Variants in NADK observed in about 807,000 individuals in gnomAD.
NADK encodes the protein poly(P)/ATP NAD kinase.
In NADK, 22 loss-of-function variants were observed where a neutral mutation model predicts 49.8. The ratio of observed to expected loss-of-function variants is 0.44; its 90% CI spans 0.32 to 0.63. The LOEUF is 0.63. Ranked by LOEUF, NADK falls within the 30% of genes least tolerant of loss-of-function variation. NADK has a pLI of 0.06. For synonymous variants in NADK, 268 were observed against 253.7 expected (o/e 1.06, Z -0.54); for missense variants, 438 against 609.4 (o/e 0.72, Z 2.96).
rs1645482719 is a variant in NADK, at chr1:1,755,430, AAGCCCAGGG to A, written c.623_631del (p.Ser208_Gly210del). ...GTTCTCAAAGCTGAATGGGGTCAGG[AAGCCCAGGG>A]AGCCCAGGTGGAAGGCCATGACCGG... On this transcript the variant is annotated inframe_deletion, in exon 7 of 12. Transcript: ENST00000341426. The A allele has an allele frequency of 9.3e-6, 15 of 1,613,892 alleles. No individual in the cohort carries two copies. Among genetic ancestry groups the A allele is most frequent in the South Asian group, 3.3e-5 (3 of 91,086 alleles).
intron 3 of NADK, 114 bp downstream of exon 3, chr1:1,761,838 C>T: frequency 1.1e-6 from 1 of 903,868 alleles, no homozygotes; most frequent in Non-Finnish European, 1.8e-6. Context: ...AGCGATCCCA[C>T]AACTCCACAC....
chr1:1,764,853 A>G (rs1645835501), intron 2 of NADK, among the ~76,000 whole-genome samples: 1 of 152,198 alleles, frequency 6.6e-6, no homozygotes, highest in Non-Finnish European at 1.5e-5. Context: ...GTGAGCCAAG[A>G]TTGCGCCACT....
chr1:1,755,288 T>G (rs1032425830), intron 7 of NADK, 86 bp downstream of exon 7: 1 of 932,434 alleles, frequency 1.1e-6, no homozygotes, highest in Non-Finnish European at 1.7e-6. Context: ...CCATGCATCA[T>G]TAAATGAAAA....
At position 1,759,544 on chromosome 1, in the gene NADK, G is replaced by A. The variant is rs111795181; in HGVS notation, c.264-2234C>T. ...GAAGCGGGTGCCCTCCTCACCAGGC[G>A]CCCCCACAGGGTCTTGCTCTGGACT... On this transcript the variant is annotated intron_variant, in intron 3 of 11. Coordinates refer to ENST00000341426, the MANE Select transcript of NADK (RefSeq NM_023018.5). Among the ~76,000 whole-genome samples, 778 of 152,332 alleles carry A rather than the reference G, an allele frequency of 5.1e-3. 5 individuals are homozygous for A. The highest frequency in any genetic ancestry group is 0.018 in the African/African-American group (735 of 41,570).
At chr1:1,759,060 C>T in intron 3 of NADK, 2 of 1,488,866 alleles carry the variant, frequency 1.3e-6, no homozygotes, top group Non-Finnish European at 1.8e-6. Flanking sequence ...CCGCCCTGCA[C>T]ACGGCTCCCC....
At chr1:1,765,161 C>T (rs943044533) in intron 2 of NADK, 67 bp downstream of exon 2, 25 of 1,421,222 alleles carry the variant, frequency 1.8e-5, no homozygotes, top group Admixed American at 2.3e-5. Flanking sequence ...TCTTCATAAT[C>T]GTTTTAAGAA....
chr1:1,753,714 C>A, intron 10 of NADK, 65 bp from the exon 11 acceptor site: 1 of 1,398,930 alleles, frequency 7.1e-7, no homozygotes, highest in Non-Finnish European at 9.9e-7. Context: ...AGGCACCCAC[C>A]CCTGAGTGCT....
At chr1:1,778,689 G>A (rs1428096339), upstream of NADK, 1 of 151,788 alleles carries the variant, frequency 6.6e-6, no homozygotes, top group African/African-American at 2.4e-5. The surrounding 1 kb of genome is among the most constrained non-coding windows in gnomAD (Gnocchi z 4.9). Flanking sequence ...CCGCGACTCG[G>A]GTAGGCGGGG....
chr1:1,753,788 C>T (rs1393891043), intron 10 of NADK, 139 bp from the exon 11 acceptor site: 27 of 834,478 alleles, frequency 3.2e-5, no homozygotes, highest in Non-Finnish European at 4.9e-5. Context: ...GCACGTCCTA[C>T]AGGCACCGGC....
At position 1,757,148 on chromosome 1, in the gene NADK, ACCCCAGGCCCCCTTC is replaced by A; in HGVS notation, c.393+18_393+32del. On this transcript the variant is annotated intron_variant, in intron 4 of 11. Coordinates refer to ENST00000341426, the MANE Select transcript of NADK (RefSeq NM_023018.5). ...TGGAGGCCCCCCCAACTCCATGTGCACCCCAGGCCCCCTTCCCCCCTGCCCCGCGTGCCTCCATGA... is the reference window on the plus strand; with the variant it reads ...TGGAGGCCCCCCCAACTCCATGTGCACCCCCTGCCCCGCGTGCCTCCATGA... 2.3e-6 allele frequency: 2 copies of A among 859,174 alleles called. No individual in the cohort carries two copies. The highest frequency in any genetic ancestry group is 3.5e-6 in the Non-Finnish European group (2 of 568,120). The allele number at this position is 859,174 out of a possible 1,614,324, so 53.2% of individuals were successfully genotyped here. A position where few individuals can be genotyped will look rare whatever the true frequency, so the allele number is the denominator to read the frequency against.
intron 2 of NADK, among the ~76,000 whole-genome samples, chr1:1,764,005 C>A (rs1194631906): frequency 6.6e-6 from 1 of 152,192 alleles, no homozygotes; most frequent in South Asian, 2.1e-4. Context: ...AACGAGGCAA[C>A]GAGGCATCTG....
intron 1 of NADK, among the ~76,000 whole-genome samples, chr1:1,769,514 G>A (rs927093088): frequency 6.6e-6 from 1 of 152,052 alleles, no homozygotes; most frequent in Non-Finnish European, 1.5e-5. Context: ...TCGCGCCATG[G>A]CACTCCAGCT....
chr1:1,772,941 T>C lies in NADK; in HGVS notation c.-41+5348A>G, dbSNP rs1025728321. On this transcript the variant is annotated intron_variant, in intron 1 of 11. Transcript: ENST00000341426. Reference sequence around the variant, plus strand: ...CTGTAATCCCAGCCACTCGGGAGGCTGAGGCAGGAGAATCACTTGAACCTG... The same window carrying C: ...CTGTAATCCCAGCCACTCGGGAGGCCGAGGCAGGAGAATCACTTGAACCTG... Among the ~76,000 whole-genome samples, 18 of 148,948 alleles carry C rather than the reference T, an allele frequency of 1.2e-4. No homozygotes were observed. In the Admixed American group the frequency reaches 1.2e-3, roughly 10 times the overall value.
intron 7 of NADK, chr1:1,755,022 G>A (rs1181680320): frequency 2.6e-5 from 10 of 389,274 alleles, no homozygotes; most frequent in East Asian, 2.3e-4. Flanking sequence ...GGGTTTCACC[G>A]TGTTGGCCAG....
chr1:1,767,189 TTAC>T (rs1337585888), intron 1 of NADK, among the ~76,000 whole-genome samples: 1 of 151,938 alleles, frequency 6.6e-6, no homozygotes, highest in Non-Finnish European at 1.5e-5. Context: ...AGTGCTGGGA[TTAC>T]AGGCGTAAGC....
At chr1:1,756,847 G>A (rs1645539677) in intron 4 of NADK, 1 of 840,466 alleles carries the variant, frequency 1.2e-6, no homozygotes, top group Non-Finnish European at 2.1e-6. Flanking sequence ...TTCAGGAGTG[G>A]CTTTCCTGGG....
At chr1:1,762,481 C>T (rs532408872) in intron 2 of NADK, among the ~76,000 whole-genome samples, 18 of 152,304 alleles carry the variant, frequency 1.2e-4, no homozygotes, top group South Asian at 8.3e-4. Flanking sequence ...GTAGGCCGGG[C>T]GCAGTGGCTC....
intron 2 of NADK, among the ~76,000 whole-genome samples, chr1:1,762,557 A>C (rs1645758129): frequency 6.6e-6 from 1 of 152,096 alleles, no homozygotes; most frequent in Non-Finnish European, 1.5e-5. Flanking sequence ...GGAGTTTGAG[A>C]CCAGCCTGGC....
chr1:1,775,397 AG>A lies in NADK; in HGVS notation c.-41+2891del, dbSNP rs909115289. Among the ~76,000 whole-genome samples the A allele has an allele frequency of 1.6e-4, 25 of 152,320 alleles. 1 individual carries two copies. The highest frequency in any genetic ancestry group is 6.0e-4 in the African/African-American group (25 of 41,576). On this transcript the variant is annotated intron_variant, in intron 1 of 11. Transcript: ENST00000341426. ...GGGGAAACATTCAACCTCAACCCTG[AG>A]TGGGAAAAAACTTACTGCCCACTAA...
Sources: gnomAD v4.1 joint callset for allele counts (sites outside exome capture counted in the v4.1 genomes callset) on GRCh38, gnomAD v4.1.1 for gene constraint, Gnocchi (gnomAD v3.1) non-coding constraint, MANE v1.5 for transcripts, NCBI Gene and HGNC (gene_info 2026-07-23, HGNC 2026-07-21) for gene names.